Variants in ANKS1B observed in about 807,000 individuals in gnomAD.
The protein encoded by ANKS1B is ankyrin repeat and sterile alpha motif domain-containing protein 1B.
In ANKS1B, 36 loss-of-function variants were observed where a neutral mutation model predicts 148.3. The observed-to-expected ratio is 0.24, with a 90% CI of 0.19 to 0.32. The LOEUF (loss-of-function observed/expected upper bound fraction) is 0.32, where lower values mean the gene tolerates loss of function less well. Ranked by LOEUF, ANKS1B falls within the 10% of genes least tolerant of loss-of-function variation. The pLI is 1.00. For synonymous variants in ANKS1B, 542 were observed against 560.8 expected (o/e 0.97, Z 0.47); for missense variants, 1,157 against 1,542.6 (o/e 0.75, Z 4.19).
chr12:98,872,943 C>T (rs2099675709), intron 17 of ANKS1B, among the ~76,000 whole-genome samples: 1 of 152,170 alleles, frequency 6.6e-6, no homozygotes, highest in Admixed American at 6.5e-5. Flanking sequence ...TTTAGTTTCT[C>T]CTTGATCTGC....
intron 14 of ANKS1B, among the ~76,000 whole-genome samples, chr12:99,168,414 G>A (rs1466547836): frequency 6.6e-6 from 1 of 151,896 alleles, no homozygotes; most frequent in Non-Finnish European, 1.5e-5. Flanking sequence ...AGCTACTCAG[G>A]AGGTTGAGGC....
At chr12:98,956,725 C>T (rs1002575241) in intron 17 of ANKS1B, among the ~76,000 whole-genome samples, 3 of 152,116 alleles carry the variant, frequency 2.0e-5, no homozygotes. Flanking sequence ...TGGTTGTCTT[C>T]CTTCCTACTT....
intron 10 of ANKS1B, among the ~76,000 whole-genome samples, chr12:99,481,659 A>G (rs909298328): frequency 6.6e-6 from 1 of 151,946 alleles, no homozygotes; most frequent in Admixed American, 6.6e-5. Context: ...TCTCACCAGC[A>G]GTGAATAGGT....
At chr12:99,383,623 C>T (rs1406678747) in intron 12 of ANKS1B, among the ~76,000 whole-genome samples, 1 of 152,168 alleles carries the variant, frequency 6.6e-6, no homozygotes, top group East Asian at 1.9e-4. Flanking sequence ...CTTTACAGGT[C>T]TTCCCCGATG....
rs1018024522 is a variant in ANKS1B at position 99,172,724 on chromosome 12, G to A, written c.2420-18329C>T. Reference sequence around the variant, plus strand: ...GCAATGTTAAAATTTCAGGTGTTTCGTGTATGCTTTACAAAGTGATGAAAA... The same window carrying A: ...GCAATGTTAAAATTTCAGGTGTTTCATGTATGCTTTACAAAGTGATGAAAA... On this transcript the variant is annotated intron_variant, in intron 14 of 26. Coordinates refer to ENST00000683438, the MANE Select transcript of ANKS1B (RefSeq NM_001352186.2). Among the ~76,000 whole-genome samples the A allele has an allele frequency of 3.3e-5, 5 of 151,838 alleles. No individual in the cohort carries two copies. The East Asian group carries it at 5.8e-4, about 18-fold the overall frequency.
At chr12:99,635,964 T>C (rs2098231072) in intron 9 of ANKS1B, among the ~76,000 whole-genome samples, 1 of 152,056 alleles carries the variant, frequency 6.6e-6, no homozygotes, top group African/African-American at 2.4e-5. Flanking sequence ...TTTATAATTG[T>C]GGGGCTGGTC....
chr12:99,141,746 G>A (rs1308137754), intron 15 of ANKS1B, among the ~76,000 whole-genome samples: 2 of 151,806 alleles, frequency 1.3e-5, no homozygotes, highest in African/African-American at 2.4e-5. Context: ...ACATCCCTGC[G>A]GAGAACATGT....
chr12:99,026,860 G>A (rs574980584), intron 17 of ANKS1B, among the ~76,000 whole-genome samples: 44 of 152,306 alleles, frequency 2.9e-4, no homozygotes, highest in African/African-American at 9.9e-4. Context: ...CTCGCCATAG[G>A]ACTAGTTAAA....
chr12:99,506,068 T>C (rs1051442286), intron 9 of ANKS1B, among the ~76,000 whole-genome samples: 1 of 151,976 alleles, frequency 6.6e-6, no homozygotes, highest in African/African-American at 2.4e-5. Context: ...TATCATAGGG[T>C]ATATTGCTAG....
intron 21 of ANKS1B, among the ~76,000 whole-genome samples, chr12:98,800,005 G>A (rs2098987738): frequency 6.6e-6 from 1 of 152,058 alleles, no homozygotes; most frequent in Non-Finnish European, 1.5e-5. Flanking sequence ...TGTGGACTAG[G>A]GAAGTGCCTG....
chr12:99,847,692 G>A (rs564606904), intron 1 of ANKS1B, among the ~76,000 whole-genome samples: 47 of 152,218 alleles, frequency 3.1e-4, no homozygotes, highest in Non-Finnish European at 6.0e-4. Context: ...ACTTCTGAAT[G>A]CTCCTGTGAC....
At chr12:99,383,820 C>T (rs1285505049) in intron 12 of ANKS1B, among the ~76,000 whole-genome samples, 2 of 140,972 alleles carry the variant, frequency 1.4e-5, no homozygotes, top group African/African-American at 5.6e-5. Context: ...CAAGACCAGC[C>T]TAGGCAATGT....
chr12:99,896,349 T>C lies in ANKS1B; in HGVS notation c.135-70960A>G, dbSNP rs551025605. Among the ~76,000 whole-genome samples the C allele has an allele frequency of 2.6e-5, 4 of 151,358 alleles. No homozygotes were observed. In the South Asian group the frequency reaches 6.3e-4, roughly 24 times the overall value. ...GATCCTACAAATAAGTGAGATCATA[T>C]AGTATTTTTCTATGTTTGGCTTATT... On this transcript the variant is annotated intron_variant, in intron 1 of 26. Coordinates refer to ENST00000683438, the MANE Select transcript of ANKS1B (RefSeq NM_001352186.2).
At chr12:99,211,174 G>C (rs1274994224) in intron 14 of ANKS1B, among the ~76,000 whole-genome samples, 2 of 152,154 alleles carry the variant, frequency 1.3e-5, no homozygotes, top group East Asian at 3.9e-4. Flanking sequence ...CCAAAAGGGG[G>C]AAATTGTTAA....
In ANKS1B at chr12:99,970,794, G is replaced by C. The variant is rs144906657; in HGVS notation, c.134+13310C>G. Among the ~76,000 whole-genome samples, 315 of 152,228 alleles carry C rather than the reference G, an allele frequency of 2.1e-3. 1 individual carries two copies. The highest frequency in any genetic ancestry group is 7.1e-3 in the African/African-American group (294 of 41,524). ...ATTCAAGCACTACCTCCTCTCTGCA[G>C]TTTCCCCTGAATACTCCTCCAAGTC... On this transcript the variant is annotated intron_variant, in intron 1 of 26. Coordinates refer to ENST00000683438, the MANE Select transcript of ANKS1B (RefSeq NM_001352186.2).
chr12:98,763,845 G>C (rs1043877340), intron 25 of ANKS1B, among the ~76,000 whole-genome samples: 1 of 152,194 alleles, frequency 6.6e-6, no homozygotes, highest in Non-Finnish European at 1.5e-5. Flanking sequence ...TTTTTAAAGG[G>C]GGTGAGCGTT....
intron 14 of ANKS1B, among the ~76,000 whole-genome samples, chr12:99,227,937 CA>C (rs2086204698): frequency 6.6e-6 from 1 of 151,838 alleles, no homozygotes; most frequent in African/African-American, 2.4e-5. Context: ...ATTTAAAAAA[CA>C]TTGTAAAATG....
intron 12 of ANKS1B, among the ~76,000 whole-genome samples, chr12:99,263,708 G>A (rs965134186): frequency 1.7e-4 from 26 of 151,994 alleles, no homozygotes; most frequent in Admixed American, 1.1e-3. Context: ...GAGATATGAC[G>A]GTTTTATAAG....
intron 17 of ANKS1B, among the ~76,000 whole-genome samples, chr12:98,839,944 A>C (rs2099396397): frequency 6.6e-6 from 1 of 152,054 alleles, no homozygotes; most frequent in Admixed American, 6.6e-5. Flanking sequence ...TATGTGTCTT[A>C]CCTGATCAAC....
Sources: gnomAD v4.1 joint callset for allele counts (sites outside exome capture counted in the v4.1 genomes callset) on GRCh38, gnomAD v4.1.1 for gene constraint, MANE v1.5 for transcripts, NCBI Gene and HGNC (gene_info 2026-07-23, HGNC 2026-07-21) for gene names.